GALNT13: variants seen among roughly 807,000 people sequenced by gnomAD.
GALNT13 encodes the protein UDP-GalNAc:polypeptide N-acetylgalactosaminyltransferase 13.
GALNT13 carries 28 observed loss-of-function variants against 64.2 expected under a neutral mutation model. The ratio of observed to expected loss-of-function variants is 0.44; its 90% CI spans 0.32 to 0.60. The LOEUF is 0.60. Among genes scored for constraint, GALNT13 ranks in the 20% least tolerant of loss-of-function variants. GALNT13 has a pLI of 0.05. For synonymous variants in GALNT13, 214 were observed against 224.6 expected, an observed-to-expected ratio of 0.95 and a Z score of 0.42; for missense variants, 577 against 669.8, an observed-to-expected ratio of 0.86 and a Z score of 1.53.
chr2:153,078,393 C>T, the GALNT13 span, among the ~76,000 whole-genome samples: 5 of 150,232 alleles, frequency 3.3e-5, no homozygotes, highest in East Asian at 2.0e-4. Context: ...CTCACTGCAA[C>T]GTCTGCCTTC....
intron 9 of GALNT13, among the ~76,000 whole-genome samples, chr2:154,319,699 C>A (rs1694519731): frequency 6.6e-6 from 1 of 151,532 alleles, no homozygotes; most frequent in South Asian, 2.1e-4. Context: ...ATAATGTGAT[C>A]CCATTTTAAC....
At chr2:154,067,290 A>G (rs763897817) in intron 3 of GALNT13, among the ~76,000 whole-genome samples, 4 of 152,028 alleles carry the variant, frequency 2.6e-5, no homozygotes, top group Non-Finnish European at 5.9e-5. Flanking sequence ...TTACTTATCA[A>G]TGGTAACATT....
the GALNT13 span, among the ~76,000 whole-genome samples, chr2:153,676,455 C>A: frequency 1.3e-5 from 2 of 152,036 alleles, no homozygotes; most frequent in African/African-American, 4.8e-5. Context: ...GTAGATACCA[C>A]TCCTACTGAA....
the GALNT13 span, among the ~76,000 whole-genome samples, chr2:153,174,042 A>T: frequency 6.6e-6 from 1 of 152,208 alleles, no homozygotes; most frequent in South Asian, 2.1e-4. Flanking sequence ...CTTGAGAAAT[A>T]TTCCCACAGG....
intron 9 of GALNT13, among the ~76,000 whole-genome samples, chr2:154,312,896 GTTAAAA>G (rs1694125391): frequency 6.6e-6 from 1 of 152,078 alleles, no homozygotes; most frequent in South Asian, 2.1e-4. Context: ...TAGCTTGACA[GTTAAAA>G]TTAAAGTTTT....
chr2:153,527,498 C>T, the GALNT13 span, among the ~76,000 whole-genome samples: 3 of 152,130 alleles, frequency 2.0e-5, no homozygotes, highest in Admixed American at 6.5e-5. Context: ...ATTTCATCAT[C>T]ACCTGATCTG....
intron 4 of GALNT13, among the ~76,000 whole-genome samples, chr2:154,222,729 T>C (rs1279785671): frequency 2.6e-5 from 4 of 152,092 alleles, no homozygotes. Context: ...TTTCCCTGTT[T>C]GTGATGCACT....
At chr2:154,131,226 G>T (rs1364292089) in intron 3 of GALNT13, among the ~76,000 whole-genome samples, 2 of 148,136 alleles carry the variant, frequency 1.4e-5, no homozygotes, top group East Asian at 4.9e-4. Context: ...TGTAACATGT[G>T]CCAAACAACC....
chr2:153,480,513 A>G, the GALNT13 span, among the ~76,000 whole-genome samples: 3 of 152,216 alleles, frequency 2.0e-5, no homozygotes, highest in Admixed American at 6.5e-5. Context: ...TAATTTAATT[A>G]GAATTGAAAA....
chr2:153,549,671 T>G, the GALNT13 span, among the ~76,000 whole-genome samples: 1 of 152,174 alleles, frequency 6.6e-6, no homozygotes, highest in African/African-American at 2.4e-5. Flanking sequence ...CAACAAGCTT[T>G]TCATGCAGAG....
At chr2:153,086,195 G>A in the GALNT13 span, among the ~76,000 whole-genome samples, 3 of 152,254 alleles carry the variant, frequency 2.0e-5, no homozygotes, top group South Asian at 6.2e-4. Flanking sequence ...GGCTCATAAG[G>A]TAAAAGGTAC....
chr2:153,502,397 C>G, the GALNT13 span, among the ~76,000 whole-genome samples: 3 of 152,348 alleles, frequency 2.0e-5, no homozygotes, highest in African/African-American at 7.2e-5. Flanking sequence ...TTCCATCCAG[C>G]TAGCTGCCAA....
chr2:154,089,338 T>C (rs1021915631), intron 3 of GALNT13, among the ~76,000 whole-genome samples: 1 of 152,026 alleles, frequency 6.6e-6, no homozygotes, highest in African/African-American at 2.4e-5. Context: ...CTTCCTCTTA[T>C]AGCTTGAAAC....
chr2:153,085,196 C>T, the GALNT13 span, among the ~76,000 whole-genome samples: 1 of 152,108 alleles, frequency 6.6e-6, no homozygotes, highest in Non-Finnish European at 1.5e-5. Context: ...AGTGGCTAAG[C>T]ACTTAAGATT....
the GALNT13 span, among the ~76,000 whole-genome samples, chr2:153,482,154 A>T: frequency 6.6e-6 from 1 of 152,208 alleles, no homozygotes; most frequent in Non-Finnish European, 1.5e-5. Context: ...CTCAGAACCT[A>T]CGACTTTGAT....
the GALNT13 span, among the ~76,000 whole-genome samples, chr2:153,810,947 T>C: frequency 6.6e-6 from 1 of 152,262 alleles, no homozygotes; most frequent in Middle Eastern, 3.4e-3. Context: ...TAATTGTCAT[T>C]GTTTTACTAT....
the GALNT13 span, among the ~76,000 whole-genome samples, chr2:153,265,796 G>A: frequency 0.83 from 126,452 of 152,136 alleles, 53,800 homozygotes; most frequent in African/African-American, 0.93. Context: ...GATGGAATCT[G>A]TTTCTGATGA....
chr2:153,407,406 A>G, the GALNT13 span, among the ~76,000 whole-genome samples: 40 of 152,186 alleles, frequency 2.6e-4, no homozygotes, highest in Non-Finnish European at 4.9e-4. Context: ...TAAATGCTCA[A>G]CTGGCTGAAG....
chr2:154,367,736 A>T (rs890814809), intron 9 of GALNT13, among the ~76,000 whole-genome samples: 4 of 152,208 alleles, frequency 2.6e-5, no homozygotes, highest in African/African-American at 9.6e-5. Context: ...GTATGTTTTT[A>T]TGACCTTGCC....
Sources: allele counts gnomAD v4.1 joint callset (sites outside exome capture counted in the v4.1 genomes callset), GRCh38; gene constraint gnomAD v4.1.1; transcripts MANE v1.5; gene names NCBI Gene and HGNC (gene_info 2026-07-23, HGNC 2026-07-21).